TSHZ3: variants seen among roughly 807,000 people sequenced by gnomAD.
TSHZ3 encodes the protein teashirt homolog 3.
Under a neutral mutation model 64.5 loss-of-function variants are expected in TSHZ3, and 10 were observed. The observed-to-expected ratio is 0.16, with a 90% CI of 0.10 to 0.26. TSHZ3 has a LOEUF of 0.26. Ranked by LOEUF, TSHZ3 falls within the 10% of genes least tolerant of loss-of-function variation. The pLI is 1.00. For synonymous variants in TSHZ3, 608 were observed against 593.1 expected, an observed-to-expected ratio of 1.03 and a Z score of -0.36; for missense variants, 1,242 against 1,421.7, an observed-to-expected ratio of 0.87 and a Z score of 2.03.
chr19:31,226,125 T>TA lies in TSHZ3; in HGVS notation n.686+1879dup, dbSNP rs113116968. On this transcript the variant is annotated intron_variant and non_coding_transcript_variant, in intron 4 of 6. Coordinates refer to the TSHZ3 transcript ENST00000651361. The stretch of plus-strand genomic sequence containing the variant: ...TGGGCAACAGAGCAAGACTCCATCT[T>TA]AAAAAAAAAAAAAAAGCAATGTGTC... 6.1e-3 allele frequency among the ~76,000 whole-genome samples: 825 copies of TA among 134,554 alleles called. 11 individuals carry two copies. Among genetic ancestry groups the TA allele is most frequent in the South Asian group, 3.9e-3 (16 of 4,082 alleles). 88.3% of individuals were successfully genotyped at this position (134,554 alleles called of 152,430 possible).
intron 1 of TSHZ3, among the ~76,000 whole-genome samples, chr19:31,254,834 C>T (rs1275696503): frequency 1.3e-5 from 2 of 152,088 alleles, no homozygotes; most frequent in Non-Finnish European, 2.9e-5. Context: ...TAGTCATTCC[C>T]CGGGGTGCCC....
chr19:31,270,187 G>A (rs1205735156), downstream of TSHZ3, among the ~76,000 whole-genome samples: 1 of 152,190 alleles, frequency 6.6e-6, no homozygotes, highest in Non-Finnish European at 1.5e-5. Flanking sequence ...AGAGATAGTA[G>A]CATGTGAGAA....
chr19:31,175,610 T>A (rs2145119963), intron 5 of TSHZ3, among the ~76,000 whole-genome samples: 1 of 152,326 alleles, frequency 6.6e-6, no homozygotes, highest in Non-Finnish European at 1.5e-5. Flanking sequence ...GGTTCCTCCT[T>A]GGCAGGGTCT....
chr19:31,308,440 T>G (rs1916359276), intron 1 of TSHZ3: 1 of 389,194 alleles, frequency 2.6e-6, no homozygotes, highest in Admixed American at 4.5e-5. Flanking sequence ...TAGAGACAGC[T>G]CCGGTGTCAT....
intron 1 of TSHZ3, among the ~76,000 whole-genome samples, chr19:31,281,848 G>C (rs150823785): frequency 6.6e-6 from 1 of 152,322 alleles, no homozygotes; most frequent in African/African-American, 2.4e-5. Flanking sequence ...CCAATGGAGT[G>C]GCAGGCCTGG....
chr19:31,237,553 AC>A (rs1391870162), intron 3 of TSHZ3, among the ~76,000 whole-genome samples: 2 of 152,080 alleles, frequency 1.3e-5, no homozygotes, highest in Non-Finnish European at 2.9e-5. Context: ...TTTTCAAAGA[AC>A]CAACTTACGG....
At chr19:31,334,952 G>A (rs1917201384) in intron 1 of TSHZ3, among the ~76,000 whole-genome samples, 2 of 152,102 alleles carry the variant, frequency 1.3e-5, no homozygotes, top group African/African-American at 2.4e-5. Context: ...TCTGTCATGT[G>A]TTCAGTGAGT....
At chr19:31,232,688 C>T (rs1257839919) in intron 3 of TSHZ3, among the ~76,000 whole-genome samples, 1 of 152,224 alleles carries the variant, frequency 6.6e-6, no homozygotes, top group Non-Finnish European at 1.5e-5. Context: ...AAATCATCCT[C>T]TTGCCTCTTA....
intron 1 of TSHZ3, among the ~76,000 whole-genome samples, chr19:31,253,987 G>A (rs982926966): frequency 6.6e-6 from 1 of 152,160 alleles, no homozygotes; most frequent in African/African-American, 2.4e-5. Context: ...CTAAGGCAGA[G>A]GAGCTCCTGC....
At chr19:31,177,357 G>A (rs1029254948) in intron 5 of TSHZ3, among the ~76,000 whole-genome samples, 4 of 152,242 alleles carry the variant, frequency 2.6e-5, no homozygotes, top group Non-Finnish European at 2.9e-5. Flanking sequence ...GGCCAGCCGG[G>A]TGGTGTCAGC....
At chr19:31,293,464 T>C (rs1403255032) in intron 1 of TSHZ3, among the ~76,000 whole-genome samples, 1 of 152,232 alleles carries the variant, frequency 6.6e-6, no homozygotes, top group East Asian at 1.9e-4. Context: ...TTTCCTTTGA[T>C]CTTGCCTTGA....
At chr19:31,193,039 G>A (rs970234455) in intron 5 of TSHZ3, among the ~76,000 whole-genome samples, 2 of 152,090 alleles carry the variant, frequency 1.3e-5, no homozygotes, top group South Asian at 2.1e-4. Context: ...GCCCATCTGC[G>A]ACCCTGGTTT....
chr19:31,307,051 A>G (rs1464701731), intron 1 of TSHZ3, among the ~76,000 whole-genome samples: 1 of 152,146 alleles, frequency 6.6e-6, no homozygotes, highest in African/African-American at 2.4e-5. Context: ...GCCAAAAAAA[A>G]AAAGATAGTA....
chr19:31,225,257 C>T (rs371687789), intron 4 of TSHZ3, among the ~76,000 whole-genome samples: 31 of 152,298 alleles, frequency 2.0e-4, no homozygotes, highest in East Asian at 7.7e-4. Context: ...CAGCCTCAGA[C>T]GGTGGAGATG....
intron 4 of TSHZ3, among the ~76,000 whole-genome samples, chr19:31,213,910 G>C (rs899247689): frequency 2.6e-5 from 4 of 152,166 alleles, no homozygotes; most frequent in African/African-American, 9.7e-5. Flanking sequence ...TTGAGGATTT[G>C]AGAAAAGTTT....
At chr19:31,281,435 C>T (rs1425522446) in intron 1 of TSHZ3, among the ~76,000 whole-genome samples, 1 of 152,176 alleles carries the variant, frequency 6.6e-6, no homozygotes, top group Non-Finnish European at 1.5e-5. Flanking sequence ...CAGGTACACA[C>T]ATCAGCTGCA....
downstream of TSHZ3, among the ~76,000 whole-genome samples, chr19:31,272,129 G>A (rs1008576920): frequency 1.3e-5 from 2 of 152,050 alleles, no homozygotes; most frequent in South Asian, 2.1e-4. Context: ...TTTTCATCCC[G>A]GACTTGTTCG....
chr19:31,233,168 A>G (rs775302284), intron 3 of TSHZ3, among the ~76,000 whole-genome samples: 7 of 152,146 alleles, frequency 4.6e-5, no homozygotes, highest in Non-Finnish European at 1.0e-4. Context: ...TGATTTTGCC[A>G]TTTTACACTC....
At chr19:31,257,714 G>A (rs1452552377) in intron 1 of TSHZ3, among the ~76,000 whole-genome samples, 1 of 152,226 alleles carries the variant, frequency 6.6e-6, no homozygotes, top group African/African-American at 2.4e-5. Context: ...TGGGGAAGAC[G>A]CGAGGGGCTT....
Sources: gnomAD v4.1 joint callset for allele counts (sites outside exome capture counted in the v4.1 genomes callset) on GRCh38, gnomAD v4.1.1 for gene constraint, MANE v1.5 for transcripts, NCBI Gene and HGNC (gene_info 2026-07-23, HGNC 2026-07-21) for gene names.